Variants in CFAP61 observed in about 807,000 individuals in gnomAD.
CFAP61 encodes the protein cilia and flagella associated protein 61, also known as cilia- and flagella-associated protein 61.
CFAP61 carries 107 observed loss-of-function variants against 135.6 expected under a neutral mutation model. That is an observed-to-expected ratio of 0.79 (90% CI 0.67 to 0.93). The LOEUF (loss-of-function observed/expected upper bound fraction) is 0.93. Ranked by LOEUF, CFAP61 falls within the 40% of genes least tolerant of loss-of-function variation. The pLI, the probability that CFAP61 is intolerant of heterozygous loss-of-function variation, is 0.00. For missense variants in CFAP61, 1,507 were observed against 1,556.2 expected, an observed-to-expected ratio of 0.97 and a Z score of 0.53; for synonymous variants, 575 against 578.5, an observed-to-expected ratio of 0.99 and a Z score of 0.09.
intron 22 of CFAP61, among the ~76,000 whole-genome samples, chr20:20,283,148 C>A (rs1322531332): frequency 6.6e-6 from 1 of 152,096 alleles, no homozygotes; most frequent in Non-Finnish European, 1.5e-5. Flanking sequence ...GTATTAAAAT[C>A]TGTTACTATT....
Position 20,304,155 on chromosome 20 carries a change from T to C in CFAP61, c.3422+5769T>C, listed in dbSNP as rs556224278. Among the ~76,000 whole-genome samples the C allele has an allele frequency of 1.4e-3, 217 of 152,216 alleles. 1 individual carries two copies. Among genetic ancestry groups the C allele is most frequent in the Non-Finnish European group, 2.5e-3 (169 of 68,014 alleles). ...TCACGGGACCACAGTAAGCGAAGTGTCTGCGGCCCAGGCTGGCTTGGATTC... is the reference window on the plus strand; with the variant it reads ...TCACGGGACCACAGTAAGCGAAGTGCCTGCGGCCCAGGCTGGCTTGGATTC... On this transcript the variant is annotated intron_variant, in intron 25 of 26. Coordinates refer to ENST00000245957, the MANE Select transcript of CFAP61 (RefSeq NM_015585.4).
In CFAP61 at chr20:20,355,650, C is replaced by T. The variant is rs1455710619; in HGVS notation, c.3514-4560C>T. Among the ~76,000 whole-genome samples the T allele has an allele frequency of 7.0e-5, 10 of 141,950 alleles. No individual in the cohort carries two copies. The East Asian group carries it at 2.1e-3, about 30-fold the overall frequency. 93.1% of individuals were successfully genotyped at this position (141,950 alleles called of 152,430 possible). ...AGGTCACACTAAGGGGAGGTAGTCA[C>T]ACTGTGAGGGGAGGTGATCACACTA... On this transcript the variant is annotated intron_variant, in intron 26 of 26. Coordinates refer to ENST00000245957, the MANE Select transcript of CFAP61 (RefSeq NM_015585.4).
intron 6 of CFAP61, among the ~76,000 whole-genome samples, chr20:20,081,606 G>T (rs559618443): frequency 1.0e-3 from 152 of 152,224 alleles, no homozygotes; most frequent in African/African-American, 3.2e-3. Context: ...TAAGCATTTG[G>T]TAACAGATGG....
At chr20:20,187,825 T>C in intron 13 of CFAP61, 105 bp from the exon 14 acceptor site, 1 of 840,726 alleles carries the variant, frequency 1.2e-6, no homozygotes, top group Admixed American at 2.3e-5. Context: ...CATACTTTAC[T>C]GGATATTATT....
At chr20:20,215,887 T>A (rs1001595147) in intron 17 of CFAP61, among the ~76,000 whole-genome samples, 3 of 152,074 alleles carry the variant, frequency 2.0e-5, no homozygotes, top group African/African-American at 7.2e-5. Context: ...ACATTAAAAA[T>A]CATTAAGGCT....
chr20:20,054,414 T>TACACACAC (rs371567134), intron 1 of CFAP61, among the ~76,000 whole-genome samples: 13 of 151,478 alleles, frequency 8.6e-5, no homozygotes, highest in East Asian at 1.9e-4. Context: ...TATATATATA[T>TACACACAC]ACACACACAC....
In CFAP61 at chr20:20,277,841, T is replaced by G. The variant is rs2053890222; in HGVS notation, c.2796+383T>G. 1.3e-5 allele frequency among the ~76,000 whole-genome samples: 2 copies of G among 152,212 alleles called. 1 individual carries two copies. Among genetic ancestry groups the G allele is most frequent in the South Asian group, 4.1e-4 (2 of 4,830 alleles). ...CTGGCTGTTGATCCTGAATCAACTT[T>G]AGTTGAGATTTTCACCAGAACACTT... On this transcript the variant is annotated intron_variant, in intron 22 of 26. Transcript: ENST00000245957.
At chr20:20,089,128 A>G (rs1181842299) in intron 6 of CFAP61, among the ~76,000 whole-genome samples, 2 of 151,730 alleles carry the variant, frequency 1.3e-5, no homozygotes, top group African/African-American at 4.9e-5. Context: ...ACAAATGTTC[A>G]AAAGAAGAGT....
chr20:20,283,864 C>T (rs1217158580), intron 22 of CFAP61, among the ~76,000 whole-genome samples: 1 of 152,152 alleles, frequency 6.6e-6, no homozygotes, highest in Non-Finnish European at 1.5e-5. Context: ...ATTTCAAATC[C>T]TTCTTCAGAA....
chr20:20,271,150 G>C (rs953033054), intron 21 of CFAP61, among the ~76,000 whole-genome samples: 4 of 151,958 alleles, frequency 2.6e-5, no homozygotes, highest in Non-Finnish European at 4.4e-5. Context: ...TTAAAAACTA[G>C]CCAGGCATAG....
chr20:20,224,644 G>A (rs891768147), intron 17 of CFAP61, among the ~76,000 whole-genome samples: 3 of 152,054 alleles, frequency 2.0e-5, no homozygotes, highest in African/African-American at 4.8e-5. Context: ...AGCTGAGATC[G>A]CGCCATTGCA....
chr20:20,074,346 G>A lies in CFAP61; in HGVS notation c.339G>A (p.Glu113=). 2 of 1,614,188 alleles carry A rather than the reference G, an allele frequency of 1.2e-6. No homozygotes were observed. Among genetic ancestry groups the A allele is most frequent in the East Asian group, 2.2e-5 (1 of 44,890 alleles). ...LFMHLFVAVD[E]YSVGCCKEIL... ...TGCACCTCTTTGTGGCCGTGGATGA[G>A]TATTCTGTTGGCTGTTGCAAAGAGA... Residue 113 remains glutamate (E), a synonymous_variant, in exon 4 of 27, where the codon GAG becomes GAA. Coordinates refer to ENST00000245957, the MANE Select transcript of CFAP61 (RefSeq NM_015585.4).
intron 18 of CFAP61, among the ~76,000 whole-genome samples, chr20:20,240,529 A>G (rs536815630): frequency 1.3e-5 from 2 of 150,698 alleles, no homozygotes; most frequent in East Asian, 3.9e-4. Context: ...GTAACCCTGC[A>G]TACACAGCTG....
chr20:20,263,657 A>G (rs2052452401), intron 21 of CFAP61, among the ~76,000 whole-genome samples: 1 of 152,166 alleles, frequency 6.6e-6, no homozygotes, highest in African/African-American at 2.4e-5. Flanking sequence ...ATTTGTGCAA[A>G]TGCCTCTGCC....
In CFAP61 at chr20:20,296,129, T is replaced by TC. The variant is rs1319797653; in HGVS notation, c.3217-2050dup. The stretch of plus-strand genomic sequence containing the variant: ...TCCCTCCCTCCTTCCCTTCCTTCCT[T>TC]CCTTCCTCCCTCCCTCCCTCCTTCC... On this transcript the variant is annotated intron_variant, in intron 24 of 26. Coordinates refer to ENST00000245957, the MANE Select transcript of CFAP61 (RefSeq NM_015585.4). Among the ~76,000 whole-genome samples, 2 of 21,738 alleles carry TC rather than the reference T, an allele frequency of 9.2e-5. 1 individual carries two copies. Among genetic ancestry groups the TC allele is most frequent in the Admixed American group, 1.1e-3 (2 of 1,754 alleles). 14.3% of individuals were successfully genotyped at this position (21,738 alleles called of 152,430 possible).
chr20:20,335,244 T>C (rs1049435818), intron 25 of CFAP61, among the ~76,000 whole-genome samples: 11 of 152,210 alleles, frequency 7.2e-5, no homozygotes, highest in Admixed American at 4.6e-4. Flanking sequence ...AAACATGTTC[T>C]AGCTCTGGAA....
At chr20:20,174,945 C>T (rs565464180) in intron 13 of CFAP61, among the ~76,000 whole-genome samples, 62 of 152,308 alleles carry the variant, frequency 4.1e-4, no homozygotes, top group Middle Eastern at 3.4e-3. Context: ...GTCCCCGCGT[C>T]CCCATGGCAT....
Position 20,277,356 on chromosome 20 carries a change from C to T in CFAP61, c.2694C>T (p.Tyr898=). ...TAGGAGCCGCCGGAGTCACTATGTACCGGGATGCGATCCTGGCCCAGTGGA... is the reference window on the plus strand; with the variant it reads ...TAGGAGCCGCCGGAGTCACTATGTATCGGGATGCGATCCTGGCCCAGTGGA... ...DALGAAGVTM[Y]RDAILAQWND... The change falls in exon 22 of 27, where the codon TAC becomes TAT. Residue 898 remains tyrosine (Y), a synonymous_variant. Transcript: ENST00000245957. 1 of 1,614,184 alleles carries T rather than the reference C, an allele frequency of 6.2e-7. No individual in the cohort carries two copies. Among genetic ancestry groups the T allele is most frequent in the Non-Finnish European group, 8.5e-7 (1 of 1,180,024 alleles).
intron 18 of CFAP61, among the ~76,000 whole-genome samples, chr20:20,245,085 C>T (rs2050335656): frequency 6.6e-6 from 1 of 152,226 alleles, no homozygotes. Context: ...AGCCATTCAA[C>T]AAGTCTCTAG....
Sources: allele counts gnomAD v4.1 joint callset (sites outside exome capture counted in the v4.1 genomes callset), GRCh38; gene constraint gnomAD v4.1.1; transcripts MANE v1.5; gene names NCBI Gene and HGNC (gene_info 2026-07-23, HGNC 2026-07-21).